LRRTM4: variants seen among roughly 807,000 people sequenced by gnomAD.
LRRTM4 encodes the protein leucine-rich repeat transmembrane neuronal protein 4.
In LRRTM4, 25 loss-of-function variants were observed where a neutral mutation model predicts 47.6. That is an observed-to-expected ratio of 0.53 (90% CI 0.38 to 0.73). The LOEUF is 0.73. Among genes scored for constraint, LRRTM4 ranks in the 30% least tolerant of loss-of-function variants. The probability of loss-of-function intolerance (pLI) is 0.00; values close to 1 mark genes in which losing one functional copy is unlikely to be tolerated. For synonymous variants in LRRTM4, 311 were observed against 269.5 expected (o/e 1.15, Z -1.51); for missense variants, 638 against 713.4 (o/e 0.89, Z 1.20).
chr2:77,019,308 C>T (rs1678185777), intron 3 of LRRTM4, among the ~76,000 whole-genome samples: 1 of 150,226 alleles, frequency 6.7e-6, no homozygotes, highest in Non-Finnish European at 1.5e-5. Context: ...ATTGACCCTG[C>T]TTACTGATAT....
At chr2:77,487,467 T>C (rs942457789) in intron 3 of LRRTM4, among the ~76,000 whole-genome samples, 2 of 152,142 alleles carry the variant, frequency 1.3e-5, no homozygotes, top group African/African-American at 4.8e-5. Flanking sequence ...CTCAGCCCCC[T>C]CTGGACTTTG....
At chr2:77,489,974 G>T (rs1349265450) in intron 3 of LRRTM4, among the ~76,000 whole-genome samples, 3 of 152,174 alleles carry the variant, frequency 2.0e-5, no homozygotes, top group South Asian at 2.1e-4. Context: ...ACTTGGCCAG[G>T]CGTGGTGGCT....
intron 3 of LRRTM4, among the ~76,000 whole-genome samples, chr2:77,426,815 ACACACACACACACATG>A (rs1172408559): frequency 7.1e-6 from 1 of 141,788 alleles, no homozygotes; most frequent in Non-Finnish European, 1.5e-5. Context: ...GCACACACAC[ACACACACACACACATG>A]CACACACACA....
At chr2:76,914,570 TG>T (rs1456843181) in intron 3 of LRRTM4, among the ~76,000 whole-genome samples, 1 of 152,188 alleles carries the variant, frequency 6.6e-6, no homozygotes, top group African/African-American at 2.4e-5. Context: ...TGTCATATTG[TG>T]TCAACTTAAA....
chr2:76,864,876 GCCA>G (rs1319936524), intron 3 of LRRTM4, among the ~76,000 whole-genome samples: 5 of 145,102 alleles, frequency 3.4e-5, no homozygotes. Context: ...ACAGGTGAAT[GCCA>G]CCACTTCAGC....
chr2:76,922,240 A>G (rs1342450403), intron 3 of LRRTM4, among the ~76,000 whole-genome samples: 5 of 152,102 alleles, frequency 3.3e-5, no homozygotes, highest in African/African-American at 1.2e-4. Context: ...ATTTATGAAG[A>G]AAATAGGTAT....
At chr2:77,063,924 T>G (rs1253612380) in intron 3 of LRRTM4, among the ~76,000 whole-genome samples, 1 of 152,172 alleles carries the variant, frequency 6.6e-6, no homozygotes, top group Non-Finnish European at 1.5e-5. Context: ...CTAGATTTTT[T>G]TTTTGGAAGG....
chr2:77,410,896 C>A (rs889939417), intron 3 of LRRTM4, among the ~76,000 whole-genome samples: 1 of 152,118 alleles, frequency 6.6e-6, no homozygotes, highest in Non-Finnish European at 1.5e-5. Flanking sequence ...AGTTAACTAT[C>A]TTGGGCTCAA....
At position 77,213,433 on chromosome 2, in the gene LRRTM4, A is replaced by G. The variant is rs79021125; in HGVS notation, c.1551+304885T>C. Among the ~76,000 whole-genome samples, 774 of 152,266 alleles carry G rather than the reference A, an allele frequency of 5.1e-3. 6 individuals carry two copies. Among genetic ancestry groups the G allele is most frequent in the African/African-American group, 0.018 (739 of 41,568 alleles). On this transcript the variant is annotated intron_variant, in intron 3 of 3. Coordinates refer to ENST00000409884, the MANE Select transcript of LRRTM4 (RefSeq NM_001134745.3). The stretch of plus-strand genomic sequence containing the variant: ...CATCTTATAAAATGGGCATGGTAAT[A>G]ATAACCCCTCATAGAAATGTCATTG...
chr2:77,124,001 C>T (rs149340066), intron 3 of LRRTM4, among the ~76,000 whole-genome samples: 91 of 152,196 alleles, frequency 6.0e-4, no homozygotes, highest in African/African-American at 2.1e-3. Flanking sequence ...CCACTATGGG[C>T]TAATGTAGAC....
At position 76,799,941 on chromosome 2, in the gene LRRTM4, G is replaced by T. The variant is rs1405505861; in HGVS notation, c.1552-51025C>A. 1.9e-4 allele frequency among the ~76,000 whole-genome samples: 29 copies of T among 151,030 alleles called. No individual in the cohort carries two copies. The East Asian group carries it at 2.1e-3, about 11-fold the overall frequency. On this transcript the variant is annotated intron_variant, in intron 3 of 3. Transcript: ENST00000409884. Reference sequence around the variant, plus strand: ...AGGAGAACTACAAACCACTGCTCAAGGAAATAAAAGAGGATACAAACAAAT... The same window carrying T: ...AGGAGAACTACAAACCACTGCTCAATGAAATAAAAGAGGATACAAACAAAT...
Position 76,796,122 on chromosome 2 carries a change from G to T in LRRTM4, c.1552-47206C>A, listed in dbSNP as rs1474924030. 1.4e-5 allele frequency among the ~76,000 whole-genome samples: 2 copies of T among 140,942 alleles called. 1 individual carries two copies. Among genetic ancestry groups the T allele is most frequent in the Non-Finnish European group, 3.1e-5 (2 of 63,732 alleles). 92.5% of individuals were successfully genotyped at this position (140,942 alleles called of 152,430 possible). On this transcript the variant is annotated intron_variant, in intron 3 of 3. Coordinates refer to ENST00000409884, the MANE Select transcript of LRRTM4 (RefSeq NM_001134745.3). ...GCTTTTCAGACAGGCTTAAAAAAACGGCACACCACAAGATTATATCCCGCA... is the reference window on the plus strand; with the variant it reads ...GCTTTTCAGACAGGCTTAAAAAAACTGCACACCACAAGATTATATCCCGCA...
At chr2:77,223,503 C>T (rs1344540072) in intron 3 of LRRTM4, among the ~76,000 whole-genome samples, 8 of 152,130 alleles carry the variant, frequency 5.3e-5, no homozygotes, top group South Asian at 2.1e-4. Context: ...TAAGCAACTT[C>T]GGCAAAGTCT....
At chr2:76,980,196 G>T (rs1323682808) in intron 3 of LRRTM4, among the ~76,000 whole-genome samples, 1 of 152,022 alleles carries the variant, frequency 6.6e-6, no homozygotes, top group African/African-American at 2.4e-5. Flanking sequence ...ATGTAATAGA[G>T]GCCCAAAGAA....
intron 3 of LRRTM4, among the ~76,000 whole-genome samples, chr2:76,797,319 T>A (rs541877907): frequency 4.6e-5 from 7 of 151,964 alleles, no homozygotes; most frequent in Middle Eastern, 3.4e-3. Context: ...TTCAACATTC[T>A]TAAAGAAAAG....
At chr2:77,014,554 G>A (rs552377187) in intron 3 of LRRTM4, among the ~76,000 whole-genome samples, 2 of 148,808 alleles carry the variant, frequency 1.3e-5, no homozygotes, top group Admixed American at 6.9e-5. Flanking sequence ...GCTCATGCCT[G>A]TAATCCCAGC....
chr2:77,169,725 C>T (rs1188262335), intron 3 of LRRTM4, among the ~76,000 whole-genome samples: 2 of 152,102 alleles, frequency 1.3e-5, no homozygotes, highest in African/African-American at 2.4e-5. Context: ...GTGCCATGTC[C>T]CTGGACGTCC....
chr2:77,389,250 G>C (rs1337472103), intron 3 of LRRTM4, among the ~76,000 whole-genome samples: 3 of 152,006 alleles, frequency 2.0e-5, no homozygotes, highest in African/African-American at 7.2e-5. Context: ...CAGAACAACA[G>C]GATAGATAAT....
Position 77,200,445 on chromosome 2 carries a change from A to C in LRRTM4, c.1551+317873T>G, listed in dbSNP as rs1673942494. On this transcript the variant is annotated intron_variant, in intron 3 of 3. Transcript: ENST00000409884. ...AATTGTTATGCATATATATGCATAC[A>C]TATGTCAAATATAAACTCTTCTTCA... is the stretch of plus-strand genomic sequence containing the variant. Among the ~76,000 whole-genome samples the C allele has an allele frequency of 2.6e-5, 4 of 152,256 alleles. No homozygotes were observed. In the South Asian group the frequency reaches 6.2e-4, roughly 24 times the overall value.
Sources: gnomAD v4.1 joint callset for allele counts (sites outside exome capture counted in the v4.1 genomes callset) on GRCh38, gnomAD v4.1.1 for gene constraint, MANE v1.5 for transcripts, NCBI Gene and HGNC (gene_info 2026-07-23, HGNC 2026-07-21) for gene names.